TRMO: variants seen among roughly 807,000 people sequenced by gnomAD.
The protein encoded by TRMO is tRNA methyltransferase O.
Under a neutral mutation model 37.2 loss-of-function variants are expected in TRMO, and 30 were observed. That is an observed-to-expected ratio of 0.81 (90% CI 0.60 to 1.09). TRMO has a LOEUF of 1.09. TRMO is among the 50% of genes least tolerant of loss of function. The pLI, the probability that TRMO is intolerant of heterozygous loss-of-function variation, is 0.00. For missense variants in TRMO, 552 were observed against 549.5 expected, an observed-to-expected ratio of 1.00 and a Z score of -0.05; for synonymous variants, 239 against 199.4, an observed-to-expected ratio of 1.20 and a Z score of -1.67.
intron 4 of TRMO, 32 bp from the exon 5 acceptor site, chr9:97,905,024 C>T: frequency 6.2e-7 from 1 of 1,601,874 alleles, no homozygotes; most frequent in Non-Finnish European, 8.5e-7. Flanking sequence ...TTAATGAGCA[C>T]TATCATGCAG....
At position 97,910,488 on chromosome 9, in the gene TRMO, T is replaced by G. The variant is rs746070951; in HGVS notation, c.538A>C (p.Asn180His). Residue 180 changes from asparagine to histidine, a missense_variant, in exon 4 of 5, where the codon AAT (asparagine) becomes CAT (histidine). Asn to His is a moderately conservative substitution (Grantham distance 68). Coordinates refer to ENST00000375119, the MANE Select transcript of TRMO (RefSeq NM_016481.5). ...ACAGTGTTTGGTGTATGTTGGTTAT[T>G]CTGTAAATTAAAGTCTGCTAAAGGC... is the stretch of plus-strand genomic sequence containing the variant. ...MEPLADFNLQ[N>H]NQHTPNTVSQ... 8.1e-6 allele frequency: 13 copies of G among 1,614,212 alleles called. No homozygotes were observed. Among genetic ancestry groups the G allele is most frequent in the Non-Finnish European group, 9.3e-6 (11 of 1,180,040 alleles).
Position 97,909,988 on chromosome 9 carries a change from C to A in TRMO, c.1038G>T (p.Glu346Asp). Residue 346 changes from glutamate to aspartate, a missense_variant, in exon 4 of 5, where the codon GAG becomes GAT. Coordinates refer to ENST00000375119, the MANE Select transcript of TRMO (RefSeq NM_016481.5). ...GTGAACTGAGCTGCCCAAGGTCCAT[C>A]TCGGCATGAGGAGTAAACCGCACTT... ...TLEVRFTPHAEMDLGQLSSQD... is the reference protein window; with the variant it reads ...TLEVRFTPHADMDLGQLSSQD... The A allele has an allele frequency of 6.4e-7, 1 of 1,559,726 alleles. No individual in the cohort carries two copies.
intron 1 of TRMO, among the ~76,000 whole-genome samples, chr9:97,921,680 T>C (rs1171070727): frequency 1.3e-5 from 2 of 152,044 alleles, no homozygotes; most frequent in African/African-American, 2.4e-5. Context: ...CACCTCGGCC[T>C]CCCAAAGTGC....
At chr9:97,905,295 T>C (rs1428188624) in intron 4 of TRMO, among the ~76,000 whole-genome samples, 1 of 152,206 alleles carries the variant, frequency 6.6e-6, no homozygotes, top group Non-Finnish European at 1.5e-5. Flanking sequence ...TTTTCTGATA[T>C]CCAAAATGTC....
chr9:97,921,423 A>AT (rs1205049397), intron 1 of TRMO, among the ~76,000 whole-genome samples: 27,813 of 140,244 alleles, frequency 0.2, 3,183 homozygotes, highest in Non-Finnish European at 0.26. Flanking sequence ...CAAAGTGTTA[A>AT]TTTTTTTTTT....
downstream of TRMO, among the ~76,000 whole-genome samples, chr9:97,900,465 C>T (rs185586409): frequency 1.3e-5 from 2 of 152,342 alleles, no homozygotes; most frequent in Admixed American, 1.3e-4. Flanking sequence ...TTCCCCTGTG[C>T]ATTCTTCACG....
At position 97,910,362 on chromosome 9, in the gene TRMO, G is replaced by A; in HGVS notation, c.664C>T (p.Pro222Ser). The A allele has an allele frequency of 6.2e-7, 1 of 1,614,160 alleles. No individual in the cohort carries two copies. Among genetic ancestry groups the A allele is most frequent in the Non-Finnish European group, 8.5e-7 (1 of 1,180,024 alleles). ...HHSTKRKPKC[P>S]EDRTSEENYL... ...TTTTCTTCTGAAGTTCTGTCTTCAG[G>A]ACATTTAGGTTTCCTCTTAGTGCTA... Residue 222 changes from proline (P) to serine (S), a missense_variant, in exon 4 of 5, where the codon CCT (proline) becomes TCT (serine). Coordinates refer to ENST00000375119, the MANE Select transcript of TRMO (RefSeq NM_016481.5).
At chr9:97,913,334 A>G (rs1397437781) in intron 3 of TRMO, 67 bp downstream of exon 3, 2 of 1,590,820 alleles carry the variant, frequency 1.3e-6, no homozygotes, top group East Asian at 2.2e-5. Context: ...CCAGTGGTGA[A>G]TGCTGTTTAT....
At chr9:97,914,498 A>G in intron 2 of TRMO, among the ~76,000 whole-genome samples, 1 of 152,170 alleles carries the variant, frequency 6.6e-6, no homozygotes, top group East Asian at 1.9e-4. Flanking sequence ...AAAATTCTAA[A>G]TATGCTTACC....
At position 97,922,461 on chromosome 9, in the gene TRMO, A is replaced by G; in HGVS notation, c.33T>C (p.Pro11=). MRGLEESGPR[P]TATPCGCVKP... ...TAACGCAGCCGCACGGGGTCGCTGT[A>G]GGCCGAGGCCCCGACTCCTCCAAGC... The change falls in exon 1 of 5, where the codon CCT becomes CCC. Residue 11 remains proline (P), a synonymous_variant. Transcript: ENST00000375119. The G allele has an allele frequency of 1.9e-6, 3 of 1,588,152 alleles. No homozygotes were observed. The highest frequency in any genetic ancestry group is 1.3e-5 in the African/African-American group (1 of 74,788).
chr9:97,904,493 CT>C lies in TRMO; in HGVS notation c.*239del, dbSNP rs1825770651. On this transcript the variant is annotated 3_prime_UTR_variant, in exon 5 of 5. Coordinates refer to ENST00000375119, the MANE Select transcript of TRMO (RefSeq NM_016481.5). The stretch of plus-strand genomic sequence containing the variant: ...TCAGAAATTATCGAGACAGCATCAC[CT>C]TTTGATTCTTTAATATCAACAGATC... 7.6e-7 allele frequency: 1 copy of C among 1,312,938 alleles called. No homozygotes were observed. Among genetic ancestry groups the C allele is most frequent in the Non-Finnish European group, 9.7e-7 (1 of 1,032,020 alleles). 81.3% of individuals were successfully genotyped at this position (1,312,938 alleles called of 1,614,324 possible).
chr9:97,913,426 G>T lies in TRMO; in HGVS notation c.384C>A (p.Thr128=), dbSNP rs767685242. 2 of 1,613,842 alleles carry T rather than the reference G, an allele frequency of 1.2e-6. No individual in the cohort carries two copies. The highest frequency in any genetic ancestry group is 1.7e-6 in the Non-Finnish European group (2 of 1,179,920). Residue 128 remains threonine (T), a synonymous_variant, in exon 3 of 5, where the codon ACC becomes ACA. Coordinates refer to ENST00000375119, the MANE Select transcript of TRMO (RefSeq NM_016481.5). ...SPHRPNAIGL[T]LAKLEKVEGG... is the part of the protein sequence containing the mutation. ...CTTCTACCTTTTCCAGCTTGGCCAGGGTCAGTCCTATTGCATTGGGACGAT... is the reference window on the plus strand; with the variant it reads ...CTTCTACCTTTTCCAGCTTGGCCAGTGTCAGTCCTATTGCATTGGGACGAT...
In TRMO at chr9:97,910,272, C is replaced by T. The variant is rs367807934; in HGVS notation, c.754G>A (p.Val252Met). 6.2e-7 allele frequency: 1 copy of T among 1,614,264 alleles called. No homozygotes were observed. The highest frequency in any genetic ancestry group is 8.5e-7 in the Non-Finnish European group (1 of 1,180,046). The change falls in exon 4 of 5, where the codon GTG becomes ATG. Residue 252 changes from valine (V) to methionine (M), a missense_variant. By Grantham distance (21) the Val-to-Met change is conservative. Coordinates refer to ENST00000375119, the MANE Select transcript of TRMO (RefSeq NM_016481.5). ...QAFPMHREIA[V>M]DFGLESRRDQ... ...CGTCTTGATTCCAAACCAAAATCCACTGCTATCTCCCTGTGCATAGGAAAT... is the reference window on the plus strand; with the variant it reads ...CGTCTTGATTCCAAACCAAAATCCATTGCTATCTCCCTGTGCATAGGAAAT...
chr9:97,916,869 C>CTT (rs572431064), intron 1 of TRMO, among the ~76,000 whole-genome samples: 32 of 138,262 alleles, frequency 2.3e-4, no homozygotes, highest in Non-Finnish European at 3.0e-4. Flanking sequence ...CCACGCTCAA[C>CTT]TTTTTTTTTT....
At chr9:97,903,278 T>C (rs754755396), downstream of TRMO, among the ~76,000 whole-genome samples, 1 of 151,358 alleles carries the variant, frequency 6.6e-6, no homozygotes, top group Non-Finnish European at 1.5e-5. Flanking sequence ...AAAAAAAAAA[T>C]CAAAAACCAA....
chr9:97,910,650 T>G (rs1826082206), intron 3 of TRMO, 34 bp from the exon 4 acceptor site: 1 of 1,601,816 alleles, frequency 6.2e-7, no homozygotes, highest in Non-Finnish European at 8.5e-7. Flanking sequence ...TGAAGAACAG[T>G]GCAAACACTT....
At chr9:97,900,030 C>T (rs1831132040), downstream of TRMO, among the ~76,000 whole-genome samples, 1 of 152,146 alleles carries the variant, frequency 6.6e-6, no homozygotes, top group Admixed American at 6.5e-5. Flanking sequence ...ACACTCCAGC[C>T]TGGGCAATAG....
chr9:97,900,259 T>C (rs539267689), downstream of TRMO, among the ~76,000 whole-genome samples: 10 of 152,308 alleles, frequency 6.6e-5, no homozygotes, highest in South Asian at 2.1e-3. Flanking sequence ...TCCCAAGCAT[T>C]ATCCTGGCAA....
At chr9:97,918,157 G>A (rs2131539321) in intron 1 of TRMO, among the ~76,000 whole-genome samples, 1 of 151,020 alleles carries the variant, frequency 6.6e-6, no homozygotes, top group Non-Finnish European at 1.5e-5. Flanking sequence ...GAGGTGGGCA[G>A]ATCACCTGAG....
Sources: allele counts gnomAD v4.1 joint callset (sites outside exome capture counted in the v4.1 genomes callset), GRCh38; gene constraint gnomAD v4.1.1; transcripts MANE v1.5; gene names NCBI Gene and HGNC (gene_info 2026-07-23, HGNC 2026-07-21).